CCDC91: variants seen among roughly 807,000 people sequenced by gnomAD.
CCDC91 encodes coiled-coil domain-containing protein 91.
In CCDC91, 48 loss-of-function variants were observed where a neutral mutation model predicts 63.2. The ratio of observed to expected loss-of-function variants is 0.76; its 90% CI spans 0.60 to 0.97. The LOEUF is 0.97. Ranked by LOEUF, CCDC91 falls within the 50% of genes least tolerant of loss-of-function variation. The pLI is 0.00. For synonymous variants in CCDC91, 167 were observed against 165.8 expected (o/e 1.01, Z -0.06); for missense variants, 500 against 494.6 (o/e 1.01, Z -0.10).
At chr12:28,485,213 C>T (rs1951658603) in intron 12 of CCDC91, among the ~76,000 whole-genome samples, 2 of 151,630 alleles carry the variant, frequency 1.3e-5, no homozygotes, top group East Asian at 3.9e-4. Context: ...GGCTGGAGTG[C>T]AGTGGCGCGA....
chr12:28,361,451 G>T (rs1943879181), intron 6 of CCDC91, among the ~76,000 whole-genome samples: 1 of 151,666 alleles, frequency 6.6e-6, no homozygotes, highest in Non-Finnish European at 1.5e-5. Flanking sequence ...CTTACTACTT[G>T]TTTCACTTTT....
Position 28,194,602 on chromosome 12 carries a change from C to T in CCDC91, c.-15+3961C>T, listed in dbSNP as rs532161919. On this transcript the variant is annotated intron_variant, in intron 1 of 12. Transcript: ENST00000536442. ...TCATTCCTCCTGGTGGGTTTGTGGCCTTGCTGGCTTCAGGAGTGAAGCTGC... is the reference window on the plus strand; with the variant it reads ...TCATTCCTCCTGGTGGGTTTGTGGCTTTGCTGGCTTCAGGAGTGAAGCTGC... Among the ~76,000 whole-genome samples, 124 of 151,796 alleles carry T rather than the reference C, an allele frequency of 8.2e-4. No homozygotes were observed. The South Asian group carries it at 0.013, about 16-fold the overall frequency.
intron 8 of CCDC91, among the ~76,000 whole-genome samples, chr12:28,413,325 A>G (rs1947437362): frequency 6.6e-6 from 1 of 152,108 alleles, no homozygotes. Context: ...ACAGTTCTTA[A>G]TGGATTTTTA....
At chr12:28,484,214 AGTGACTTC>A (rs1951600473) in intron 12 of CCDC91, 49 bp downstream of exon 12, 1 of 981,108 alleles carries the variant, frequency 1.0e-6, no homozygotes, top group African/African-American at 1.6e-5. Flanking sequence ...AAACTGAATC[AGTGACTTC>A]CATACAATAA....
intron 8 of CCDC91, among the ~76,000 whole-genome samples, chr12:28,406,011 G>C (rs1265699545): frequency 6.6e-6 from 1 of 152,056 alleles, no homozygotes; most frequent in Non-Finnish European, 1.5e-5. Flanking sequence ...CTTACGAATG[G>C]TGAATCCAAT....
chr12:28,261,841 ACACACT>A (rs1946840853), intron 3 of CCDC91, among the ~76,000 whole-genome samples: 2 of 152,002 alleles, frequency 1.3e-5, no homozygotes, highest in African/African-American at 2.4e-5. Context: ...ACACACATGC[ACACACT>A]CACACTCACA....
chr12:28,400,129 T>G (rs7136426), intron 8 of CCDC91, among the ~76,000 whole-genome samples: 59,241 of 152,058 alleles, frequency 0.39, 12,016 homozygotes, highest in Middle Eastern at 0.48. Flanking sequence ...TGCCTGGACA[T>G]CCAGGCATTT....
intron 7 of CCDC91, among the ~76,000 whole-genome samples, chr12:28,386,063 T>C (rs892725765): frequency 6.6e-6 from 1 of 152,214 alleles, no homozygotes; most frequent in African/African-American, 2.4e-5. Context: ...GTAAAAAGAA[T>C]GAATATTTCT....
At chr12:28,513,517 G>T (rs1232980967) in intron 12 of CCDC91, among the ~76,000 whole-genome samples, 1 of 151,798 alleles carries the variant, frequency 6.6e-6, no homozygotes, top group Non-Finnish European at 1.5e-5. Context: ...ATCCTCAGCT[G>T]GTAGTTATAA....
chr12:28,431,726 G>A (rs2140091625), intron 8 of CCDC91, among the ~76,000 whole-genome samples: 1 of 151,936 alleles, frequency 6.6e-6, no homozygotes, highest in South Asian at 2.1e-4. Flanking sequence ...TACATTCCAT[G>A]AATCTACGTT....
At chr12:28,309,228 G>A (rs1939064613) in intron 6 of CCDC91, among the ~76,000 whole-genome samples, 1 of 151,986 alleles carries the variant, frequency 6.6e-6, no homozygotes, top group Non-Finnish European at 1.5e-5. Flanking sequence ...TGTTTAATGT[G>A]CCCACCTCAG....
intron 6 of CCDC91, among the ~76,000 whole-genome samples, chr12:28,337,995 G>A (rs1232027019): frequency 6.6e-6 from 1 of 152,062 alleles, no homozygotes; most frequent in Non-Finnish European, 1.5e-5. Context: ...ACCAGATATT[G>A]TCAGGGGTGA....
At chr12:28,200,732 C>G (rs1312286220) in intron 1 of CCDC91, among the ~76,000 whole-genome samples, 1 of 150,024 alleles carries the variant, frequency 6.7e-6, no homozygotes, top group Non-Finnish European at 1.5e-5. Flanking sequence ...CCTTTCCCCC[C>G]TTTCTATTCC....
intron 3 of CCDC91, among the ~76,000 whole-genome samples, chr12:28,260,556 A>G (rs1946758809): frequency 1.3e-5 from 2 of 151,748 alleles, no homozygotes; most frequent in South Asian, 4.1e-4. Flanking sequence ...TTTTAAAAGT[A>G]TTTCTTGCTT....
At chr12:28,223,670 TA>T (rs1944093449) in intron 1 of CCDC91, among the ~76,000 whole-genome samples, 1 of 152,224 alleles carries the variant, frequency 6.6e-6, no homozygotes, top group Non-Finnish European at 1.5e-5. Flanking sequence ...TGAGTAATTG[TA>T]ATGTATTAGT....
In CCDC91 at chr12:28,257,168, G is replaced by T. The variant is rs755341866; in HGVS notation, c.-14-34G>T. 8.2e-6 allele frequency: 11 copies of T among 1,334,486 alleles called. No individual in the cohort carries two copies. In the East Asian group the frequency reaches 2.3e-4, roughly 28 times the overall value. 82.7% of individuals were successfully genotyped at this position (1,334,486 alleles called of 1,614,324 possible). On this transcript the variant is annotated intron_variant, in intron 1 of 12. Transcript: ENST00000536442. ...TATTTTGACATAAATGACTGTGTGT[G>T]TGCGGGCTTGTTTCAATATCTTATA...
At chr12:28,548,884 T>G (rs910368985) in intron 12 of CCDC91, among the ~76,000 whole-genome samples, 179 bp from the exon 13 acceptor site, 7 of 152,332 alleles carry the variant, frequency 4.6e-5, no homozygotes, top group African/African-American at 1.7e-4. Flanking sequence ...CATCTCATCT[T>G]AGATGATTTA....
chr12:28,543,563 C>T (rs1565550402), intron 12 of CCDC91, among the ~76,000 whole-genome samples: 1 of 152,048 alleles, frequency 6.6e-6, no homozygotes, highest in Admixed American at 6.6e-5. Flanking sequence ...TGGACATCCC[C>T]GAGTGTCCCA....
At chr12:28,335,405 A>G (rs1283984504) in intron 6 of CCDC91, among the ~76,000 whole-genome samples, 3 of 140,808 alleles carry the variant, frequency 2.1e-5, no homozygotes, top group Non-Finnish European at 4.6e-5. Context: ...ATGTATATAT[A>G]AATATATAAA....
Sources: allele counts gnomAD v4.1 joint callset (sites outside exome capture counted in the v4.1 genomes callset), GRCh38; gene constraint gnomAD v4.1.1; transcripts MANE v1.5; gene names NCBI Gene and HGNC (gene_info 2026-07-23, HGNC 2026-07-21).